Variants in CNTNAP3B observed in about 807,000 individuals in gnomAD.
The protein encoded by CNTNAP3B is contactin associated protein family member 3B.
In CNTNAP3B, 25 loss-of-function variants were observed where a neutral mutation model predicts 108.9. The ratio of observed to expected loss-of-function variants is 0.23; its 90% CI spans 0.17 to 0.32. CNTNAP3B has a LOEUF of 0.32. CNTNAP3B is among the 10% of genes least tolerant of loss of function. The pLI is 1.00. For missense variants in CNTNAP3B, 252 were observed against 1,210.4 expected, an observed-to-expected ratio of 0.21 and a Z score of 11.75; for synonymous variants, 103 against 473.4, an observed-to-expected ratio of 0.22 and a Z score of 10.16.
intron 13 of CNTNAP3B, among the ~76,000 whole-genome samples, chr9:41,952,523 T>G (rs1824719918): frequency 1.3e-5 from 2 of 152,272 alleles, no homozygotes; most frequent in Admixed American, 1.3e-4. Flanking sequence ...CAGGGGACTG[T>G]GGGGATTCCG....
At chr9:41,959,620 G>C (rs1218596465) in intron 12 of CNTNAP3B, among the ~76,000 whole-genome samples, 11 of 152,284 alleles carry the variant, frequency 7.2e-5, no homozygotes, top group Non-Finnish European at 1.3e-4. Context: ...GAGGTAATTG[G>C]TATCTTATGG....
intron 13 of CNTNAP3B, among the ~76,000 whole-genome samples, chr9:41,950,362 G>A (rs1419607296): frequency 2.2e-5 from 3 of 135,086 alleles, no homozygotes; most frequent in African/African-American, 8.4e-5. Context: ...TACCATATAT[G>A]ACCCACCTAT....
chr9:41,966,795 G>A (rs1281523284), intron 10 of CNTNAP3B, among the ~76,000 whole-genome samples: 5 of 151,406 alleles, frequency 3.3e-5, no homozygotes, highest in East Asian at 1.9e-4. Flanking sequence ...GTGAAACCCC[G>A]TCTTTACTAA....
At chr9:41,928,681 C>T (rs1411413736) in intron 15 of CNTNAP3B, among the ~76,000 whole-genome samples, 4 of 152,078 alleles carry the variant, frequency 2.6e-5, no homozygotes, top group South Asian at 2.1e-4. Context: ...GACTTCTCCA[C>T]GGCAATGTAT....
chr9:41,993,352 G>T, intron 7 of CNTNAP3B: 1 of 122,526 alleles, frequency 8.2e-6, no homozygotes, highest in East Asian at 2.9e-4. Flanking sequence ...TTTAGAAATG[G>T]ATATAATTCA....
intron 15 of CNTNAP3B, among the ~76,000 whole-genome samples, chr9:41,925,776 C>A (rs1823801176): frequency 2.0e-5 from 3 of 152,284 alleles, no homozygotes; most frequent in Non-Finnish European, 4.4e-5. Context: ...TTTAAGCTGA[C>A]ACCCATGCCT....
At chr9:41,944,764 C>T (rs1386585874) in intron 13 of CNTNAP3B, among the ~76,000 whole-genome samples, 1 of 152,264 alleles carries the variant, frequency 6.6e-6, no homozygotes, top group East Asian at 1.9e-4. Context: ...CCAAAATTGA[C>T]AAATGGGATC....
intron 15 of CNTNAP3B, among the ~76,000 whole-genome samples, chr9:41,926,115 T>C (rs1265173929): frequency 6.6e-6 from 1 of 152,292 alleles, no homozygotes. Context: ...CATGAGTTCA[T>C]GTGGATACCT....
At chr9:41,932,728 C>G (rs1220802317) in intron 14 of CNTNAP3B, among the ~76,000 whole-genome samples, 1 of 151,928 alleles carries the variant, frequency 6.6e-6, no homozygotes, top group Non-Finnish European at 1.5e-5. Context: ...CCATGTTGGT[C>G]AGGCTGGTCT....
chr9:41,933,019 A>T (rs1166449171), intron 14 of CNTNAP3B, among the ~76,000 whole-genome samples: 1 of 152,310 alleles, frequency 6.6e-6, no homozygotes, highest in Admixed American at 6.5e-5. Flanking sequence ...TTTATTTTTC[A>T]TCTTAAAAAT....
chr9:41,940,888 C>T (rs1340845716), intron 13 of CNTNAP3B, among the ~76,000 whole-genome samples: 4 of 152,282 alleles, frequency 2.6e-5, no homozygotes, highest in African/African-American at 9.6e-5. Flanking sequence ...AGCAGACATT[C>T]CCTAAAGAAT....
intron 13 of CNTNAP3B, among the ~76,000 whole-genome samples, chr9:41,942,077 C>G (rs1247562292): frequency 6.6e-6 from 1 of 152,298 alleles, no homozygotes; most frequent in Non-Finnish European, 1.5e-5. Context: ...CCCCCTCTAC[C>G]CTTCTTTTCT....
intron 13 of CNTNAP3B, among the ~76,000 whole-genome samples, chr9:41,943,383 C>G (rs1221050588): frequency 7.7e-6 from 1 of 129,432 alleles, no homozygotes; most frequent in African/African-American, 2.9e-5. Flanking sequence ...GATGGAGTCT[C>G]TCTCTGTCGC....
chr9:42,127,607 A>G lies in CNTNAP3B; in HGVS notation c.85+1403T>C, dbSNP rs547451246. Among the ~76,000 whole-genome samples, 26 of 139,988 alleles carry G rather than the reference A, an allele frequency of 1.9e-4. 6 individuals carry two copies. The highest frequency in any genetic ancestry group is 4.0e-4 in the Non-Finnish European group (26 of 65,112). The allele number at this position is 139,988 out of a possible 152,430, so 91.8% of individuals were successfully genotyped here. ...TTATTTAAGCCAAACGGCAGTTTCC[A>G]TTACAAGACCCAAGGATTTTAATTT... On this transcript the variant is annotated intron_variant, in intron 1 of 23. Coordinates refer to ENST00000377561, the MANE Select transcript of CNTNAP3B (RefSeq NM_001201380.3).
At chr9:42,094,053 G>C (rs1406383804) in intron 2 of CNTNAP3B, among the ~76,000 whole-genome samples, 2 of 136,240 alleles carry the variant, frequency 1.5e-5, no homozygotes, top group Non-Finnish European at 3.1e-5. Context: ...CACACAGCTA[G>C]TAAGGGGTAG....
At chr9:41,943,519 A>G (rs1376348026) in intron 13 of CNTNAP3B, among the ~76,000 whole-genome samples, 1 of 151,878 alleles carries the variant, frequency 6.6e-6, no homozygotes. Context: ...CGCCCAGCTA[A>G]TTTTTTGTAT....
At chr9:42,103,734 CAA>C (rs1348271388) in intron 2 of CNTNAP3B, among the ~76,000 whole-genome samples, 3 of 26,222 alleles carry the variant, frequency 1.1e-4, no homozygotes, top group African/African-American at 1.6e-4. Context: ...GACTCCGTCT[CAA>C]AAAAAAAAAA....
At chr9:41,940,548 G>A (rs1156815578) in intron 13 of CNTNAP3B, among the ~76,000 whole-genome samples, 3 of 152,398 alleles carry the variant, frequency 2.0e-5, no homozygotes, top group Admixed American at 1.3e-4. Context: ...GGCCGGGTGC[G>A]GTGGCTCACG....
intron 14 of CNTNAP3B, among the ~76,000 whole-genome samples, chr9:41,931,546 A>G (rs1249451523): frequency 6.6e-6 from 1 of 152,146 alleles, no homozygotes; most frequent in African/African-American, 2.4e-5. Context: ...CTGAAAAAAT[A>G]CACTTAATGG....
Sources: allele counts gnomAD v4.1 joint callset (sites outside exome capture counted in the v4.1 genomes callset), GRCh38; gene constraint gnomAD v4.1.1; transcripts MANE v1.5; gene names NCBI Gene and HGNC (gene_info 2026-07-23, HGNC 2026-07-21).